Variants in PRKN observed in about 807,000 individuals in gnomAD.
PRKN encodes the protein parkin RBR E3 ubiquitin protein ligase.
Under a neutral mutation model 59.5 loss-of-function variants are expected in PRKN, and 56 were observed. The observed-to-expected ratio is 0.94, with a 90% CI of 0.76 to 1.18. The LOEUF (loss-of-function observed/expected upper bound fraction) is 1.18, where lower values mean the gene tolerates loss of function less well. Ranked by LOEUF, PRKN falls within the 50% of genes most tolerant of loss-of-function variation. The pLI, the probability that PRKN is intolerant of heterozygous loss-of-function variation, is 0.00. For missense variants in PRKN, 657 were observed against 596.4 expected, an observed-to-expected ratio of 1.10 and a Z score of -1.06; for synonymous variants, 250 against 222.1, an observed-to-expected ratio of 1.13 and a Z score of -1.12.
intron 6 of PRKN, among the ~76,000 whole-genome samples, chr6:161,873,817 G>C (rs1347218292): frequency 6.8e-6 from 1 of 146,758 alleles, no homozygotes; most frequent in Non-Finnish European, 1.5e-5. Flanking sequence ...AGAGGCTTGC[G>C]ATTATTTTAT....
intron 6 of PRKN, among the ~76,000 whole-genome samples, chr6:161,965,966 T>G (rs925701158): frequency 1.2e-4 from 18 of 152,138 alleles, no homozygotes; most frequent in African/African-American, 4.3e-4. Flanking sequence ...TCTTTAGGAT[T>G]GGGAGGGCCT....
At chr6:162,638,729 C>T (rs1242448604) in intron 1 of PRKN, among the ~76,000 whole-genome samples, 2 of 137,014 alleles carry the variant, frequency 1.5e-5, no homozygotes, top group Non-Finnish European at 3.0e-5. Context: ...TCTATGACTG[C>T]TAACTATCCC....
intron 9 of PRKN, among the ~76,000 whole-genome samples, chr6:161,496,827 C>G (rs1202221794): frequency 6.6e-6 from 1 of 152,158 alleles, no homozygotes; most frequent in East Asian, 1.9e-4. Context: ...GGAGCAGAGA[C>G]TGGAGTGACA....
At chr6:162,436,935 C>A (rs1017270958) in intron 2 of PRKN, among the ~76,000 whole-genome samples, 1 of 151,702 alleles carries the variant, frequency 6.6e-6, no homozygotes, top group African/African-American at 2.4e-5. Flanking sequence ...CTACTAAAAA[C>A]ACAAAAATGA....
chr6:161,853,727 T>TCA (rs1221238223), intron 6 of PRKN, among the ~76,000 whole-genome samples: 6 of 152,144 alleles, frequency 3.9e-5, no homozygotes. Flanking sequence ...AGATCTTTAC[T>TCA]CACAAACATT....
At chr6:162,543,854 G>T (rs1047625655) in intron 1 of PRKN, among the ~76,000 whole-genome samples, 1 of 152,112 alleles carries the variant, frequency 6.6e-6, no homozygotes, top group South Asian at 2.1e-4. Flanking sequence ...AAAAAACATG[G>T]CAAGGTGCAG....
chr6:162,556,561 A>G (rs1398458081), intron 1 of PRKN, among the ~76,000 whole-genome samples: 1 of 151,752 alleles, frequency 6.6e-6, no homozygotes, highest in African/African-American at 2.4e-5. Context: ...ATCCTAACCA[A>G]CACAGTGAAA....
At chr6:162,414,990 A>G (rs1788554557) in intron 2 of PRKN, among the ~76,000 whole-genome samples, 1 of 152,128 alleles carries the variant, frequency 6.6e-6, no homozygotes. Flanking sequence ...AAGATATCTG[A>G]TGCTAAGGAA....
intron 1 of PRKN, among the ~76,000 whole-genome samples, chr6:162,580,955 A>G (rs1225019479): frequency 6.6e-6 from 1 of 152,218 alleles, no homozygotes; most frequent in African/African-American, 2.4e-5. Flanking sequence ...TGGAATGTCT[A>G]GCATACTTGC....
intron 2 of PRKN, among the ~76,000 whole-genome samples, chr6:162,369,646 C>T (rs143145721): frequency 3.0e-3 from 452 of 152,200 alleles, no homozygotes; most frequent in South Asian, 9.3e-3. Context: ...CTATTGAGTA[C>T]GTAGTTTAAA....
At chr6:161,351,801 T>TGAA (rs1335905783) in intron 11 of PRKN, among the ~76,000 whole-genome samples, 2 of 152,176 alleles carry the variant, frequency 1.3e-5, no homozygotes, top group Non-Finnish European at 2.9e-5. Flanking sequence ...TTCCCCAAGG[T>TGAA]GAAGCACTTT....
chr6:162,483,290 A>C (rs1301947775), intron 1 of PRKN, among the ~76,000 whole-genome samples: 1 of 152,118 alleles, frequency 6.6e-6, no homozygotes, highest in Non-Finnish European at 1.5e-5. Flanking sequence ...GGAAGCGGGG[A>C]TGGATTCTTT....
chr6:162,320,904 GAA>G (rs1782993547), intron 2 of PRKN, among the ~76,000 whole-genome samples: 1 of 150,132 alleles, frequency 6.7e-6, no homozygotes, highest in Non-Finnish European at 1.5e-5. Flanking sequence ...AATATGCAAA[GAA>G]AATTTTTTGG....
At chr6:162,391,549 T>G (rs1787193786) in intron 2 of PRKN, among the ~76,000 whole-genome samples, 1 of 151,878 alleles carries the variant, frequency 6.6e-6, no homozygotes, top group Non-Finnish European at 1.5e-5. Flanking sequence ...AATGACTTCC[T>G]TCTGGAAGAT....
In PRKN at chr6:161,386,521, CT is replaced by C. The variant is rs1219182968; in HGVS notation, c.1167+272del. ...TGTTTTATTTCCCCTCTAAGGACTCCTTTGAAAATGCTCACATGCCTTGTCC... is the reference window on the plus strand; with the variant it reads ...TGTTTTATTTCCCCTCTAAGGACTCCTTGAAAATGCTCACATGCCTTGTCC... On this transcript the variant is annotated intron_variant, in intron 10 of 11. Coordinates refer to ENST00000366898, the MANE Select transcript of PRKN (RefSeq NM_004562.3). This position sits in a 1 kb window ranked among gnomAD's most constrained non-coding sequence, Gnocchi z 4.3. Among the ~76,000 whole-genome samples, 1 of 152,188 alleles carries C rather than the reference CT, an allele frequency of 6.6e-6. No homozygotes were observed. Among genetic ancestry groups the C allele is most frequent in the Non-Finnish European group, 1.5e-5 (1 of 68,036 alleles).
rs1219385984 is a variant in PRKN, at chr6:162,010,576, GTATTA to G, written c.619-37164_619-37160del. On this transcript the variant is annotated intron_variant, in intron 5 of 11. Transcript: ENST00000366898. ...TATATTATATAATATATTATATAAT[GTATTA>G]TATTATATATAATATAATATATATT... Among the ~76,000 whole-genome samples, 17 of 2,196 alleles carry G rather than the reference GTATTA, an allele frequency of 7.7e-3. 4 individuals are homozygous for G. The highest frequency in any genetic ancestry group is 6.1e-3 in the Non-Finnish European group (10 of 1,636). 1.4% of individuals were successfully genotyped at this position (2,196 alleles called of 152,430 possible). A position where few individuals can be genotyped will look rare whatever the true frequency, so the allele number is the denominator to read the frequency against.
chr6:161,865,494 T>C (rs890218847), intron 6 of PRKN, among the ~76,000 whole-genome samples: 1 of 152,228 alleles, frequency 6.6e-6, no homozygotes, highest in African/African-American at 2.4e-5. Context: ...GAAGGCTGTT[T>C]CATCTGCACT....
chr6:162,177,639 A>G (rs1022688697), intron 4 of PRKN, among the ~76,000 whole-genome samples: 9 of 152,112 alleles, frequency 5.9e-5, no homozygotes, highest in African/African-American at 2.2e-4. Flanking sequence ...ACTTTGATAT[A>G]ATTAAGCGAA....
rs906962835 is a variant in PRKN, at chr6:161,582,829, A to G, written c.872-13413T>C. Among the ~76,000 whole-genome samples, 1 of 152,132 alleles carries G rather than the reference A, an allele frequency of 6.6e-6. No individual in the cohort carries two copies. Among genetic ancestry groups the G allele is most frequent in the African/African-American group, 2.4e-5 (1 of 41,444 alleles). ...AGCTGTCGTCTTATGACTCAGATCC[A>G]TGTTCACCCAGGTTGGGAAGCTCAA... On this transcript the variant is annotated intron_variant, in intron 7 of 11. Transcript: ENST00000366898. This position sits in a 1 kb window ranked among gnomAD's most constrained non-coding sequence, Gnocchi z 4.4.
Sources: allele counts gnomAD v4.1 joint callset (sites outside exome capture counted in the v4.1 genomes callset), GRCh38; gene constraint gnomAD v4.1.1; non-coding constraint Gnocchi (gnomAD v3.1); transcripts MANE v1.5; gene names NCBI Gene and HGNC (gene_info 2026-07-23, HGNC 2026-07-21).